Variants in LRP12 observed in about 807,000 individuals in gnomAD.
LRP12 encodes the protein LDL receptor related protein 12.
LRP12 carries 14 observed loss-of-function variants against 66.0 expected under a neutral mutation model. The ratio of observed to expected loss-of-function variants is 0.21; its 90% CI spans 0.14 to 0.33. The LOEUF (loss-of-function observed/expected upper bound fraction) is 0.33. Ranked by LOEUF, LRP12 falls within the 10% of genes least tolerant of loss-of-function variation. LRP12 has a pLI of 1.00. For synonymous variants in LRP12, 357 were observed against 359.1 expected (o/e 0.99, Z 0.07); for missense variants, 889 against 1,053.4 (o/e 0.84, Z 2.16).
chr8:104,496,935 T>C, intron 5 of LRP12, 37 bp downstream of exon 5: 1 of 1,470,878 alleles, frequency 6.8e-7, no homozygotes, highest in South Asian at 1.6e-5. Flanking sequence ...TTGGGCCTGC[T>C]TTTATTGAGG....
At chr8:104,567,364 C>T (rs796930005) in intron 1 of LRP12, among the ~76,000 whole-genome samples, 4 of 152,092 alleles carry the variant, frequency 2.6e-5, no homozygotes, top group African/African-American at 9.7e-5. Context: ...CCCTCATAAA[C>T]ACATCAGATC....
intron 1 of LRP12, among the ~76,000 whole-genome samples, chr8:104,549,022 G>A (rs1341721167): frequency 6.6e-6 from 1 of 152,034 alleles, no homozygotes; most frequent in Non-Finnish European, 1.5e-5. Flanking sequence ...TAGGTCTAAG[G>A]TCACTCTGGA....
At chr8:104,507,562 T>TA (rs1348357095) in intron 3 of LRP12, 2 of 152,198 alleles carry the variant, frequency 1.3e-5, no homozygotes, top group Non-Finnish European at 1.5e-5. Flanking sequence ...AGTTTTATGC[T>TA]AAAAAACTCC....
rs1810788848 is a variant in LRP12 at position 104,499,404 on chromosome 8, A to G, written c.388T>C (p.Tyr130His). 1 of 1,613,628 alleles carries G rather than the reference A, an allele frequency of 6.2e-7. No individual in the cohort carries two copies. The highest frequency in any genetic ancestry group is 1.3e-5 in the African/African-American group (1 of 74,924). The change falls in exon 4 of 7, where the codon TAT (tyrosine) becomes CAT (histidine). Residue 130 changes from tyrosine to histidine, a missense_variant. Tyr to His is a moderately conservative substitution (Grantham distance 83). This residue lies in a region of LRP12 where 800 missense variants were observed against 964.5 expected (regional missense o/e 0.83). Coordinates refer to ENST00000276654, the MANE Select transcript of LRP12 (RefSeq NM_013437.5). ...CAGATGTGGTCTTGTGAAGAGATAT[A>G]CGGAGGTGGAATTGTGGAACCACAA... ...RACGSTIPPP[Y>H]ISSQDHIWIR...
intron 1 of LRP12, among the ~76,000 whole-genome samples, chr8:104,582,730 A>G (rs796233879): frequency 2.0e-5 from 3 of 152,184 alleles, no homozygotes; most frequent in African/African-American, 7.2e-5. Flanking sequence ...ACAACTATTC[A>G]TAATATATGT....
At chr8:104,500,482 C>G (rs745400957) in intron 3 of LRP12, among the ~76,000 whole-genome samples, 1 of 151,908 alleles carries the variant, frequency 6.6e-6, no homozygotes, top group Non-Finnish European at 1.5e-5. Flanking sequence ...CTGAGGTGGG[C>G]GGATCACGAA....
chr8:104,494,942 G>A, intron 6 of LRP12, 135 bp downstream of exon 6: 1 of 675,330 alleles, frequency 1.5e-6, no homozygotes. Context: ...TGAAAACTAT[G>A]ACTTCAAATC....
chr8:104,509,197 G>T, intron 2 of LRP12, 123 bp from the exon 3 acceptor site: 1 of 722,744 alleles, frequency 1.4e-6, no homozygotes, highest in Non-Finnish European at 2.2e-6. Flanking sequence ...ATAAGATATG[G>T]TAGTATCAAC....
chr8:104,517,167 G>A (rs1054793491), intron 2 of LRP12, among the ~76,000 whole-genome samples: 2 of 149,698 alleles, frequency 1.3e-5, no homozygotes, highest in Non-Finnish European at 3.0e-5. Context: ...AATCCAAGAA[G>A]CATATAACAG....
chr8:104,523,016 G>A (rs1372163578), intron 2 of LRP12, among the ~76,000 whole-genome samples: 1 of 152,044 alleles, frequency 6.6e-6, no homozygotes, highest in Non-Finnish European at 1.5e-5. Flanking sequence ...AGTTTCTAGA[G>A]TCATTAAATT....
intron 1 of LRP12, among the ~76,000 whole-genome samples, chr8:104,563,385 A>G (rs540416334): frequency 9.8e-5 from 15 of 152,314 alleles, no homozygotes; most frequent in African/African-American, 2.9e-4. Context: ...TTGCTCAAGG[A>G]CACAACTAAG....
intron 1 of LRP12, among the ~76,000 whole-genome samples, chr8:104,585,708 T>C (rs948213800): frequency 7.9e-5 from 12 of 152,340 alleles, no homozygotes; most frequent in Admixed American, 3.3e-4. Flanking sequence ...TACGATTTCA[T>C]TAACTTTTTT....
intron 3 of LRP12, chr8:104,507,927 G>A (rs1405990219): frequency 1.3e-5 from 2 of 152,078 alleles, no homozygotes; most frequent in Admixed American, 1.3e-4. Context: ...AAAAAAGGAA[G>A]ATGAAAAAAG....
At chr8:104,551,992 AC>A (rs1811732582) in intron 1 of LRP12, among the ~76,000 whole-genome samples, 1 of 152,224 alleles carries the variant, frequency 6.6e-6, no homozygotes, top group Non-Finnish European at 1.5e-5. Context: ...TTCATATGAT[AC>A]TGTAAGTAAG....
intron 2 of LRP12, among the ~76,000 whole-genome samples, chr8:104,513,628 T>C (rs1452019960): frequency 2.0e-5 from 3 of 152,120 alleles, no homozygotes; most frequent in African/African-American, 7.2e-5. Flanking sequence ...CACCTGACAC[T>C]GACTACCCAG....
chr8:104,534,283 A>G (rs1362470015), intron 1 of LRP12, among the ~76,000 whole-genome samples: 2 of 152,054 alleles, frequency 1.3e-5, no homozygotes, highest in East Asian at 3.9e-4. Context: ...CAGATGTTAA[A>G]CATGTCATAT....
rs950656025 is a variant in LRP12, at chr8:104,490,059, T to C, written c.*614A>G. ...GAAAATCTTTATAAAAGAGTTTTGT[T>C]TTTGCCAGTAATTTATCGAACTCTG... On this transcript the variant is annotated 3_prime_UTR_variant, in exon 7 of 7. Coordinates refer to ENST00000276654, the MANE Select transcript of LRP12 (RefSeq NM_013437.5). 1.3e-5 allele frequency: 2 copies of C among 152,634 alleles called. No individual in the cohort carries two copies. Among genetic ancestry groups the C allele is most frequent in the African/African-American group, 4.8e-5 (2 of 41,452 alleles). The allele number at this position is 152,634 out of a possible 1,614,324, so 9.5% of individuals were successfully genotyped here.
chr8:104,564,934 GAA>G (rs34125830), intron 1 of LRP12, among the ~76,000 whole-genome samples: 4,682 of 130,542 alleles, frequency 0.036, 247 homozygotes, highest in African/African-American at 0.12. Flanking sequence ...CTCTGTCAAA[GAA>G]AAAAAAAAAA....
chr8:104,532,069 C>T (rs57833872), intron 1 of LRP12, 106 bp from the exon 2 acceptor site: 17,971 of 631,194 alleles, frequency 0.028, 1,506 homozygotes, highest in African/African-American at 0.23. Flanking sequence ...CCTTTTAATA[C>T]AGAGAAGCTA....
Sources: allele counts gnomAD v4.1 joint callset (sites outside exome capture counted in the v4.1 genomes callset), GRCh38; gene constraint gnomAD v4.1.1; regional missense constraint gnomAD v4.1.1; transcripts MANE v1.5; gene names NCBI Gene and HGNC (gene_info 2026-07-23, HGNC 2026-07-21).